The following N4BP2L2 variants were observed in gnomAD, a reference collection of about 807,000 sequenced individuals.
N4BP2L2 encodes NEDD4-binding protein 2-like 2.
Under a neutral mutation model 56.2 loss-of-function variants are expected in N4BP2L2, and 50 were observed. The ratio of observed to expected loss-of-function variants is 0.89; its 90% CI spans 0.71 to 1.13. The LOEUF (loss-of-function observed/expected upper bound fraction) is 1.13. Among genes scored for constraint, N4BP2L2 ranks in the 50% most tolerant of loss-of-function variants. The pLI, the probability that N4BP2L2 is intolerant of heterozygous loss-of-function variation, is 0.00. For synonymous variants in N4BP2L2, 203 were observed against 223.6 expected, an observed-to-expected ratio of 0.91 and a Z score of 0.82; for missense variants, 689 against 693.8, an observed-to-expected ratio of 0.99 and a Z score of 0.08.
downstream of N4BP2L2, chr13:32,505,497 C>T (rs2090788371): frequency 6.6e-6 from 1 of 152,170 alleles, no homozygotes; most frequent in Non-Finnish European, 1.5e-5. Context: ...TTGCTTTTGG[C>T]TTAATAATTC....
intron 8 of N4BP2L2, chr13:32,438,615 C>T: frequency 6.7e-7 from 1 of 1,496,520 alleles, no homozygotes. Context: ...ACAACAACAA[C>T]AAAAATACAT....
At chr13:32,514,009 C>A (rs941012742) in exon 6 of N4BP2L2, 2 of 152,066 alleles carry the variant, frequency 1.3e-5, no homozygotes, top group African/African-American at 4.8e-5. Flanking sequence ...CATTTCATAT[C>A]CTCTTAAATC....
chr13:32,510,093 C>T (rs1437334494), downstream of N4BP2L2, among the ~76,000 whole-genome samples: 1 of 151,904 alleles, frequency 6.6e-6, no homozygotes, highest in Non-Finnish European at 1.5e-5. Context: ...ATAAAAAGTT[C>T]CTATTATAGA....
chr13:32,492,916 G>GTTTTTTTTTTTTTT (rs35025430), intron 6 of N4BP2L2, among the ~76,000 whole-genome samples: 9 of 107,514 alleles, frequency 8.4e-5, no homozygotes, highest in African/African-American at 1.8e-4. Context: ...TAGCTTTTCT[G>GTTTTTTTTTTTTTT]TTTTTTTTTT....
intron 6 of N4BP2L2, among the ~76,000 whole-genome samples, chr13:32,482,179 G>A (rs1195352468): frequency 1.3e-5 from 2 of 152,132 alleles, no homozygotes; most frequent in Non-Finnish European, 2.9e-5. Context: ...GCCAATGCCT[G>A]ATTCATAATG....
chr13:32,492,432 C>T (rs2087381787), intron 6 of N4BP2L2, among the ~76,000 whole-genome samples: 1 of 151,786 alleles, frequency 6.6e-6, no homozygotes, highest in Admixed American at 6.6e-5. Context: ...ACAGGCACCC[C>T]AGACAAATTT....
At chr13:32,469,254 T>G (rs113404429) in intron 6 of N4BP2L2, among the ~76,000 whole-genome samples, 8,751 of 152,158 alleles carry the variant, frequency 0.058, 854 homozygotes, top group African/African-American at 0.2. Context: ...TGTGGCTGCA[T>G]CATGGGCTGT....
chr13:32,538,639 G>C (rs1464403354), exon 1 of N4BP2L2: 5 of 985,436 alleles, frequency 5.1e-6, no homozygotes, highest in Non-Finnish European at 4.8e-6. Context: ...CCTACGCATT[G>C]ACCTTTACCT....
chr13:32,491,635 ATTTTTT>A (rs3075001), intron 6 of N4BP2L2, among the ~76,000 whole-genome samples: 38 of 132,506 alleles, frequency 2.9e-4, no homozygotes, highest in African/African-American at 1.1e-3. Context: ...ATATATATAT[ATTTTTT>A]TTTTTTTTGA....
chr13:32,501,120 G>A (rs1000247237), intron 6 of N4BP2L2, among the ~76,000 whole-genome samples: 1 of 152,062 alleles, frequency 6.6e-6, no homozygotes, highest in African/African-American at 2.4e-5. Context: ...TGCCCACCTC[G>A]GTCTCCTAAA....
chr13:32,456,008 T>C (rs2078922435), intron 6 of N4BP2L2, among the ~76,000 whole-genome samples: 1 of 152,188 alleles, frequency 6.6e-6, no homozygotes, highest in African/African-American at 2.4e-5. Flanking sequence ...ACCAAGAACC[T>C]ATCCCCCTAC....
intron 6 of N4BP2L2, chr13:32,477,974 C>T (rs758640696): frequency 3.3e-4 from 422 of 1,289,248 alleles, no homozygotes; most frequent in Non-Finnish European, 3.9e-4. Context: ...TTGATTCCAG[C>T]TCCCAAGTCA....
intron 6 of N4BP2L2, among the ~76,000 whole-genome samples, chr13:32,493,121 C>T (rs2139383195): frequency 6.6e-6 from 1 of 151,978 alleles, no homozygotes; most frequent in Admixed American, 6.6e-5. Context: ...GACGGCGTTT[C>T]ACCATGTTGG....
At chr13:32,471,736 A>C (rs1213009176) in intron 6 of N4BP2L2, among the ~76,000 whole-genome samples, 1 of 152,230 alleles carries the variant, frequency 6.6e-6, no homozygotes, top group Non-Finnish European at 1.5e-5. Flanking sequence ...GCTGCGAGAG[A>C]GCTGCTGATG....
downstream of N4BP2L2, chr13:32,505,755 C>T (rs554258684): frequency 6.6e-6 from 1 of 152,320 alleles, no homozygotes; most frequent in Admixed American, 6.5e-5. Context: ...CTTTAACATT[C>T]ATATTTCTAC....
At chr13:32,519,164 T>C (rs1594030720) in intron 5 of N4BP2L2, among the ~76,000 whole-genome samples, 1 of 150,324 alleles carries the variant, frequency 6.7e-6, no homozygotes, top group East Asian at 1.9e-4. Flanking sequence ...TCTGGCTGGG[T>C]GCAGTGCTGA....
chr13:32,491,276 T>C (rs1275572900), intron 6 of N4BP2L2, among the ~76,000 whole-genome samples: 2 of 152,108 alleles, frequency 1.3e-5, no homozygotes, highest in Admixed American at 1.3e-4. Flanking sequence ...AACTATTACA[T>C]GCTCATGATG....
At chr13:32,499,052 A>G (rs987475763) in intron 6 of N4BP2L2, among the ~76,000 whole-genome samples, 1 of 151,972 alleles carries the variant, frequency 6.6e-6, no homozygotes, top group African/African-American at 2.4e-5. Context: ...GAATAAATAC[A>G]TTACCGTTTC....
Position 32,521,453 on chromosome 13 carries a change from C to CA in N4BP2L2, c.1474-5dup. On this transcript the variant is annotated splice_region_variant and splice_polypyrimidine_tract_variant and intron_variant, in intron 4 of 5. Coordinates refer to ENST00000267068, the Ensembl canonical transcript of N4BP2L2. ...CTCTGTATCCTTTTCCTATGGCCTA[C>CA]ACAAAGGAAAGGAAGAAAACAAAAA... 6.3e-7 allele frequency: 1 copy of CA among 1,592,150 alleles called. No homozygotes were observed. The highest frequency in any genetic ancestry group is 8.5e-7 in the Non-Finnish European group (1 of 1,171,034).
Sources: allele counts gnomAD v4.1 joint callset (sites outside exome capture counted in the v4.1 genomes callset), GRCh38; gene constraint gnomAD v4.1.1; transcripts MANE v1.5; gene names NCBI Gene and HGNC (gene_info 2026-07-23, HGNC 2026-07-21).